The following EEFSEC variants were observed in gnomAD, a reference collection of about 807,000 sequenced individuals.
EEFSEC encodes the protein selenocysteine-specific elongation factor.
A neutral mutation model predicts 42.1 loss-of-function variants in EEFSEC; 43 were observed. That is an observed-to-expected ratio of 1.02 (90% CI 0.80 to 1.32). The LOEUF is 1.32. Ranked by LOEUF, EEFSEC falls within the 40% of genes most tolerant of loss-of-function variation. The probability of loss-of-function intolerance (pLI) is 0.00; values close to 1 mark genes in which losing one functional copy is unlikely to be tolerated. For synonymous variants in EEFSEC, 354 were observed against 339.1 expected (o/e 1.04, Z -0.48); for missense variants, 745 against 803.6 (o/e 0.93, Z 0.88).
chr3:128,188,538 A>G (rs1043919188), intron 1 of EEFSEC, among the ~76,000 whole-genome samples: 22 of 152,160 alleles, frequency 1.4e-4, no homozygotes, highest in African/African-American at 5.1e-4. Flanking sequence ...CCTTTGTACT[A>G]GATGGTGAAA....
intron 1 of EEFSEC, among the ~76,000 whole-genome samples, chr3:128,155,427 T>C (rs1944362073): frequency 6.6e-6 from 1 of 152,216 alleles, no homozygotes; most frequent in South Asian, 2.1e-4. Flanking sequence ...ACCATTATTA[T>C]ACCTTTGTGG....
chr3:128,183,688 T>C (rs1177354491), intron 1 of EEFSEC, among the ~76,000 whole-genome samples: 2 of 152,212 alleles, frequency 1.3e-5, no homozygotes, highest in Non-Finnish European at 2.9e-5. Context: ...GCACCCTACA[T>C]ACTAACTGCC....
At chr3:128,394,248 G>T (rs1445806587) in intron 6 of EEFSEC, among the ~76,000 whole-genome samples, 1 of 152,226 alleles carries the variant, frequency 6.6e-6, no homozygotes, top group East Asian at 1.9e-4. Context: ...TCAGGAGTGT[G>T]GGTGGGGACC....
At chr3:128,373,522 C>T (rs1473360097) in intron 6 of EEFSEC, among the ~76,000 whole-genome samples, 1 of 152,208 alleles carries the variant, frequency 6.6e-6, no homozygotes, top group Non-Finnish European at 1.5e-5. Flanking sequence ...TCACTGCTGC[C>T]GGGTAGTTAG....
In EEFSEC at chr3:128,283,643, C is replaced by T. The variant is rs1013911397; in HGVS notation, c.786+18862C>T. ...GGTATAGACACTCAAGCACTGTCTC[C>T]CCTAGGAGTCAAGTGTCACCGTTAA... On this transcript the variant is annotated intron_variant, in intron 4 of 6. Coordinates refer to ENST00000254730, the MANE Select transcript of EEFSEC (RefSeq NM_021937.5). 2.0e-5 allele frequency among the ~76,000 whole-genome samples: 3 copies of T among 152,166 alleles called. No individual in the cohort carries two copies. In the South Asian group the frequency reaches 6.2e-4, roughly 32 times the overall value.
At chr3:128,262,967 C>T (rs2066314313) in intron 3 of EEFSEC, among the ~76,000 whole-genome samples, 1 of 152,200 alleles carries the variant, frequency 6.6e-6, no homozygotes, top group East Asian at 1.9e-4. Flanking sequence ...TCCACCACCA[C>T]TCTCTCTGAC....
intron 4 of EEFSEC, among the ~76,000 whole-genome samples, chr3:128,330,056 G>A (rs2067109203): frequency 6.6e-6 from 1 of 152,158 alleles, no homozygotes; most frequent in South Asian, 2.1e-4. Flanking sequence ...AAAAGCCCAG[G>A]GATGTCATTA....
chr3:128,321,502 G>A (rs1475914972), intron 4 of EEFSEC, among the ~76,000 whole-genome samples: 1 of 152,102 alleles, frequency 6.6e-6, no homozygotes, highest in African/African-American at 2.4e-5. Context: ...CCCCAGGACA[G>A]TCTCTGGGCA....
chr3:128,317,274 G>T lies in EEFSEC; in HGVS notation c.787-23959G>T, dbSNP rs111346990. Among the ~76,000 whole-genome samples the T allele has an allele frequency of 2.2e-4, 34 of 152,290 alleles. No homozygotes were observed. Among genetic ancestry groups the T allele is most frequent in the African/African-American group, 7.0e-4 (29 of 41,560 alleles). On this transcript the variant is annotated intron_variant, in intron 4 of 6. Coordinates refer to ENST00000254730, the MANE Select transcript of EEFSEC (RefSeq NM_021937.5). The surrounding 1 kb of genome is among the most constrained non-coding windows in gnomAD (Gnocchi z 4.1). ...TGCTGCCAGGCCAGGAGAACCCGTG[G>T]GTTTTCTTCCTTCATACACACGGTG...
chr3:128,203,159 T>A (rs989901507), intron 1 of EEFSEC, among the ~76,000 whole-genome samples: 1 of 152,230 alleles, frequency 6.6e-6, no homozygotes, highest in Non-Finnish European at 1.5e-5. Context: ...TACACCCAAA[T>A]GTTGGCAATT....
intron 4 of EEFSEC, among the ~76,000 whole-genome samples, chr3:128,281,029 C>T (rs2066520760): frequency 6.6e-6 from 1 of 152,174 alleles, no homozygotes; most frequent in Non-Finnish European, 1.5e-5. Flanking sequence ...CTTTCATTAC[C>T]CCCTCCGCTT....
intron 6 of EEFSEC, chr3:128,362,100 A>G: frequency 2.6e-6 from 1 of 390,712 alleles, no homozygotes; most frequent in Non-Finnish European, 5.3e-6. Flanking sequence ...TGGGAGGCCC[A>G]TGTGGTGCTT....
intron 4 of EEFSEC, among the ~76,000 whole-genome samples, chr3:128,305,117 A>AT (rs1327409981): frequency 6.6e-6 from 1 of 152,064 alleles, no homozygotes; most frequent in Non-Finnish European, 1.5e-5. Flanking sequence ...ATTTATTTTT[A>AT]TTTTTTTAAA....
intron 1 of EEFSEC, among the ~76,000 whole-genome samples, chr3:128,196,246 A>G (rs1020249762): frequency 2.6e-5 from 4 of 152,290 alleles, no homozygotes; most frequent in African/African-American, 7.2e-5. Flanking sequence ...TTTATGATCA[A>G]TTAAATGATG....
intron 4 of EEFSEC, among the ~76,000 whole-genome samples, chr3:128,334,899 C>A (rs1255862039): frequency 1.3e-5 from 2 of 152,242 alleles, no homozygotes; most frequent in Non-Finnish European, 2.9e-5. Context: ...CACCTCCCAG[C>A]CTTCTCTGCT....
rs191548548 is a variant in EEFSEC at position 128,258,331 on chromosome 3, G to A, written c.525-3797G>A. 1.6e-4 allele frequency among the ~76,000 whole-genome samples: 24 copies of A among 152,284 alleles called. No homozygotes were observed. In the East Asian group the frequency reaches 3.5e-3, roughly 22 times the overall value. On this transcript the variant is annotated intron_variant, in intron 2 of 6. Coordinates refer to ENST00000254730, the MANE Select transcript of EEFSEC (RefSeq NM_021937.5). ...AGGTCATTCTGGGGATCCCAGCACCGTGGGAAGGACAGGGCTCTGGAATAG... is the reference window on the plus strand; with the variant it reads ...AGGTCATTCTGGGGATCCCAGCACCATGGGAAGGACAGGGCTCTGGAATAG...
At chr3:128,186,125 C>A (rs1319697605) in intron 1 of EEFSEC, among the ~76,000 whole-genome samples, 1 of 152,186 alleles carries the variant, frequency 6.6e-6, no homozygotes, top group Non-Finnish European at 1.5e-5. Context: ...CTGATCATAT[C>A]CATCCTAGTG....
At chr3:128,165,359 A>G (rs1043116719) in intron 1 of EEFSEC, among the ~76,000 whole-genome samples, 1 of 152,146 alleles carries the variant, frequency 6.6e-6, no homozygotes, top group African/African-American at 2.4e-5. Flanking sequence ...ATATAAATCA[A>G]ATTGTCAAAA....
At chr3:128,387,083 C>A (rs574057095) in intron 6 of EEFSEC, among the ~76,000 whole-genome samples, 2 of 152,204 alleles carry the variant, frequency 1.3e-5, no homozygotes, top group Non-Finnish European at 2.9e-5. Context: ...TGCCTGGTGG[C>A]GCGTGGGCAG....
Sources: gnomAD v4.1 joint callset for allele counts (sites outside exome capture counted in the v4.1 genomes callset) on GRCh38, gnomAD v4.1.1 for gene constraint, Gnocchi (gnomAD v3.1) non-coding constraint, MANE v1.5 for transcripts, NCBI Gene and HGNC (gene_info 2026-07-23, HGNC 2026-07-21) for gene names.